Variants in CORO6 observed in about 807,000 individuals in gnomAD.
CORO6 encodes coronin 6.
CORO6 carries 43 observed loss-of-function variants against 49.0 expected under a neutral mutation model. The ratio of observed to expected loss-of-function variants is 0.88; its 90% CI spans 0.69 to 1.13. The LOEUF (loss-of-function observed/expected upper bound fraction) is 1.13, where lower values mean the gene tolerates loss of function less well. Among genes scored for constraint, CORO6 ranks in the 50% most tolerant of loss-of-function variants. The pLI is 0.00. For missense variants in CORO6, 650 were observed against 647.0 expected (o/e 1.00, Z -0.05); for synonymous variants, 233 against 256.5 (o/e 0.91, Z 0.88).
In CORO6 at chr17:29,617,551, G is replaced by A. The variant is rs762806280; in HGVS notation, c.702C>T (p.Phe234=). ...GGCTCATGCGGGTGAAGCCCGTGGTGAAGATATGGCCCTGGCGCGTGAAGA... is the reference window on the plus strand; with the variant it reads ...GGCTCATGCGGGTGAAGCCCGTGGTAAAGATATGGCCCTGGCGCGTGAAGA... ...RAVFTRQGHI[F]TTGFTRMSQR... is the part of the protein sequence containing the mutation. The change falls in exon 6 of 11, where the codon TTC becomes TTT. Residue 234 remains phenylalanine, a synonymous_variant. Coordinates refer to ENST00000388767, the MANE Select transcript of CORO6 (RefSeq NM_032854.4). The A allele has an allele frequency of 3.7e-6, 6 of 1,611,030 alleles. No individual in the cohort carries two copies. In the South Asian group the frequency reaches 6.6e-5, roughly 18 times the overall value.
Position 29,615,731 on chromosome 17 carries a change from G to A in CORO6, c.*1C>T, listed in dbSNP as rs2034828749. 6.5e-7 allele frequency: 1 copy of A among 1,538,244 alleles called. No homozygotes were observed. Among genetic ancestry groups the A allele is most frequent in the Non-Finnish European group, 8.7e-7 (1 of 1,143,196 alleles). ...CCGCTCCGCCTGCCTGGCGCGCGGG[G>A]CTAGTCCGTGCCGTCCACCAGCTCG... On this transcript the variant is annotated 3_prime_UTR_variant, in exon 11 of 11. Coordinates refer to ENST00000388767, the MANE Select transcript of CORO6 (RefSeq NM_032854.4).
rs764867863 is a variant in CORO6 at position 29,619,144 on chromosome 17, G to T, written c.367C>A (p.Pro123Thr). 1 of 1,613,770 alleles carries T rather than the reference G, an allele frequency of 6.2e-7. No individual in the cohort carries two copies. The highest frequency in any genetic ancestry group is 8.5e-7 in the Non-Finnish European group (1 of 1,179,964). The change falls in exon 4 of 11, where the codon CCT (proline) becomes ACT (threonine). Residue 123 changes from proline (P) to threonine (T), a missense_variant. Transcript: ENST00000388767. Reference sequence around the variant, plus strand: ...GAGTGGCCCTCAAGTGTGATGATAGGTTCCGTAATGTTGCGCATGGGGGTA... The same window carrying T: ...GAGTGGCCCTCAAGTGTGATGATAGTTTCCGTAATGTTGCGCATGGGGGTA... ...DYTPMRNITE[P>T]IITLEGHSKR...
rs1157528838 is a variant in CORO6 at position 29,615,585 on chromosome 17, T to G, written c.*147A>C. On this transcript the variant is annotated 3_prime_UTR_variant, in exon 11 of 11. Coordinates refer to ENST00000388767, the MANE Select transcript of CORO6 (RefSeq NM_032854.4). ...TGGGTCTCCCCTAAGCTCCAAGAGT[T>G]CTGGTCTCCCGCGAGGGGCGGAGTT... The G allele has an allele frequency of 3.5e-6, 3 of 862,338 alleles. No homozygotes were observed. Among genetic ancestry groups the G allele is most frequent in the Non-Finnish European group, 5.1e-6 (3 of 587,802 alleles). The allele number at this position is 862,338 out of a possible 1,614,324, so 53.4% of individuals were successfully genotyped here. A position where few individuals can be genotyped will look rare whatever the true frequency, so the allele number is the denominator to read the frequency against.
chr17:29,618,958 C>T lies in CORO6; in HGVS notation c.465G>A (p.Val155=). 1.2e-6 allele frequency: 2 copies of T among 1,613,746 alleles called. No homozygotes were observed. Among genetic ancestry groups the T allele is most frequent in the Non-Finnish European group, 8.5e-7 (1 of 1,179,986 alleles). The stretch of plus-strand genomic sequence containing the variant: ...CGGTGCCCACATTCCAGATGATGAT[C>T]ACATTGTCACCACCTGCCCAGAGTG... ...NVLLSAGGDN[V]IIIWNVGTGE... Residue 155 remains valine, a synonymous_variant, in exon 5 of 11, where the codon GTG becomes GTA. Transcript: ENST00000388767.
intron 5 of CORO6, chr17:29,618,345 A>G: frequency 2.3e-6 from 3 of 1,289,468 alleles, no homozygotes; most frequent in Non-Finnish European, 2.9e-6. Context: ...GCAACGCGCG[A>G]GGGTTGCCCC....
Position 29,616,079 on chromosome 17 carries a change from CG to C in CORO6, c.1158del (p.Val387CysfsTer5). 2 of 1,612,972 alleles carry C rather than the reference CG, an allele frequency of 1.2e-6. No individual in the cohort carries two copies. Among genetic ancestry groups the C allele is most frequent in the Non-Finnish European group, 8.5e-7 (1 of 1,179,988 alleles). ...DEWLSGQDAE[P>X]VLISLRDGYV... ...TAGCCGTCCCTCAGCGAAATGAGCA[CG>C]GGTTCGGCGTCCTGGCCGGATAGCC... On this transcript the variant is annotated frameshift_variant, in exon 10 of 11. Transcript: ENST00000388767. LOFTEE classifies it high-confidence loss of function. This position sits in a 1 kb window ranked among gnomAD's most constrained non-coding sequence, Gnocchi z 5.6.
chr17:29,616,656 G>A lies in CORO6; in HGVS notation c.1004+46C>T. Reference sequence around the variant, plus strand: ...CCGTGGCTAGGACCCGACATGAGTGGGGGACAGAGGCGGGTAGGTGTTCAG... The same window carrying A: ...CCGTGGCTAGGACCCGACATGAGTGAGGGACAGAGGCGGGTAGGTGTTCAG... On this transcript the variant is annotated intron_variant, in intron 8 of 10. Transcript: ENST00000388767. This position sits in a 1 kb window ranked among gnomAD's most constrained non-coding sequence, Gnocchi z 5.6. 1 of 1,597,540 alleles carries A rather than the reference G, an allele frequency of 6.3e-7. No individual in the cohort carries two copies. Among genetic ancestry groups the A allele is most frequent in the Non-Finnish European group, 8.6e-7 (1 of 1,167,172 alleles).
intron 5 of CORO6, chr17:29,617,915 G>T: frequency 1.2e-6 from 1 of 811,222 alleles, no homozygotes. Flanking sequence ...CCCCGGAGTC[G>T]CAGCGAGGCT....
chr17:29,619,593 G>A (rs1346684104), intron 3 of CORO6, 58 bp downstream of exon 3: 1 of 1,571,234 alleles, frequency 6.4e-7, no homozygotes, highest in Non-Finnish European at 8.7e-7. Context: ...CAGCACAGGT[G>A]AGGCAGCCTT....
chr17:29,618,212 G>T (rs1171707703), intron 5 of CORO6: 3 of 1,326,208 alleles, frequency 2.3e-6, no homozygotes, highest in South Asian at 2.0e-5. Context: ...CGCCAGCCCC[G>T]ACCGCTCTCG....
At position 29,616,450 on chromosome 17, in the gene CORO6, C is replaced by A; in HGVS notation, c.1005-114G>T. On this transcript the variant is annotated intron_variant, in intron 8 of 10. Coordinates refer to ENST00000388767, the MANE Select transcript of CORO6 (RefSeq NM_032854.4). This position sits in a 1 kb window ranked among gnomAD's most constrained non-coding sequence, Gnocchi z 5.6. ...TGCTCAGCGCCTACCATGCATATTG[C>A]ACATTACACACATTATTGGTTCTGC... is the stretch of plus-strand genomic sequence containing the variant. The A allele has an allele frequency of 1.0e-6, 1 of 989,114 alleles. No individual in the cohort carries two copies. Among genetic ancestry groups the A allele is most frequent in the Non-Finnish European group, 1.5e-6 (1 of 667,950 alleles). 61.3% of individuals were successfully genotyped at this position (989,114 alleles called of 1,614,324 possible). A position where few individuals can be genotyped will look rare whatever the true frequency, so the allele number is the denominator to read the frequency against.
intron 3 of CORO6, 29 bp from the exon 4 acceptor site, chr17:29,619,218 G>A: frequency 6.2e-7 from 1 of 1,610,062 alleles, no homozygotes; most frequent in Non-Finnish European, 8.5e-7. Flanking sequence ...TATATGGTGG[G>A]TGGAATGAGG....
At chr17:29,617,262 T>C in intron 6 of CORO6, 1 of 1,535,104 alleles carries the variant, frequency 6.5e-7, no homozygotes, top group South Asian at 1.2e-5. Context: ...CCGCATGCAG[T>C]CACAGCAAAC....
chr17:29,618,443 C>A, intron 5 of CORO6: 1 of 1,268,276 alleles, frequency 7.9e-7, no homozygotes. Context: ...GTCTGGGTGC[C>A]GGCTGAGAGG....
rs2035223220 is a variant in CORO6, at chr17:29,619,921, C to T, written c.199-148G>A. ...ACTTCTAACCCCATCCAGTCCACTT[C>T]CTGCACTTTACTGAAGGCAGAGTTG... On this transcript the variant is annotated intron_variant, in intron 2 of 10. Transcript: ENST00000388767. The T allele has an allele frequency of 4.6e-6, 3 of 657,364 alleles. No individual in the cohort carries two copies. In the South Asian group the frequency reaches 5.7e-5, roughly 13 times the overall value. 40.7% of individuals were successfully genotyped at this position (657,364 alleles called of 1,614,324 possible).
rs766050251 is a variant in CORO6 at position 29,617,621 on chromosome 17, T to TG, written c.634-3dup. 1 of 1,590,186 alleles carries TG rather than the reference T, an allele frequency of 6.3e-7. No individual in the cohort carries two copies. ...CCCCTCGTGGGCCGCAAACCTCTCC[T>TG]GGGGGGAGGGGGAGACAGGGAGGGA... On this transcript the variant is annotated splice_region_variant and splice_polypyrimidine_tract_variant and intron_variant, in intron 5 of 10. Coordinates refer to ENST00000388767, the MANE Select transcript of CORO6 (RefSeq NM_032854.4).
Position 29,622,735 on chromosome 17 carries a change from G to A in CORO6, c.-111C>T, listed in dbSNP as rs1343692550. ...GCGCTCACGCTGCGAATCCTCTGCG[G>A]AAGGGGCCCGAGTGCGTAGGGGGCC... On this transcript the variant is annotated 5_prime_UTR_variant, in exon 1 of 11. Coordinates refer to ENST00000388767, the MANE Select transcript of CORO6 (RefSeq NM_032854.4). The A allele has an allele frequency of 6.8e-6, 9 of 1,314,462 alleles. No homozygotes were observed. The highest frequency in any genetic ancestry group is 6.7e-5 in the Admixed American group (3 of 44,738). The allele number at this position is 1,314,462 out of a possible 1,614,324, so 81.4% of individuals were successfully genotyped here. A position where few individuals can be genotyped will look rare whatever the true frequency, so the allele number is the denominator to read the frequency against.
At position 29,616,006 on chromosome 17, in the gene CORO6, A is replaced by G. The variant is rs143699377; in HGVS notation, c.1232T>C (p.Leu411Pro). ...RELRVTKRNI[L>P]DVRPPSGPRR... ...GGGGCCGGAGGGCGGGCGCACGTCC[A>G]GGATGTTGCGCTTCGTGACCCGGAG... is the stretch of plus-strand genomic sequence containing the variant. The change falls in exon 10 of 11, where the codon CTG becomes CCG. Residue 411 changes from leucine (L) to proline (P), a missense_variant. Physicochemically the swap from Leu to Pro is moderately conservative, Grantham distance 98. Coordinates refer to ENST00000388767, the MANE Select transcript of CORO6 (RefSeq NM_032854.4). The surrounding 1 kb of genome is among the most constrained non-coding windows in gnomAD (Gnocchi z 5.6). The G allele has an allele frequency of 0.017, 27,247 of 1,599,668 alleles. 300 individuals carry two copies. Among genetic ancestry groups the G allele is most frequent in the Non-Finnish European group, 0.02 (23,962 of 1,172,826 alleles).
chr17:29,621,350 G>C lies in CORO6; in HGVS notation c.72C>G (p.Ala24=), dbSNP rs2035299403. The C allele has an allele frequency of 1.2e-6, 2 of 1,614,058 alleles. No homozygotes were observed. Among genetic ancestry groups the C allele is most frequent in the African/African-American group, 2.7e-5 (2 of 74,934 alleles). Residue 24 remains alanine (A), a synonymous_variant, in exon 2 of 11, where the codon GCC becomes GCG. Transcript: ENST00000388767. The surrounding 1 kb of genome is among the most constrained non-coding windows in gnomAD (Gnocchi z 4.2). The part of the protein sequence containing the change: ...VFGQAAKADQ[A]YEDIRVSKVT... ...CCTTGGACACACGGATGTCCTCGTAGGCCTGGTCGGCCTTTGCTGCCTGCC... is the reference window on the plus strand; with the variant it reads ...CCTTGGACACACGGATGTCCTCGTACGCCTGGTCGGCCTTTGCTGCCTGCC...
Sources: gnomAD v4.1 joint callset for allele counts on GRCh38, gnomAD v4.1.1 for gene constraint, Gnocchi (gnomAD v3.1) non-coding constraint, MANE v1.5 for transcripts, NCBI Gene and HGNC (gene_info 2026-07-23, HGNC 2026-07-21) for gene names.